COL5A1: variants seen among roughly 807,000 people sequenced by gnomAD.
COL5A1 encodes collagen type V alpha 1 chain, also known as collagen alpha-1(V) chain.
COL5A1 carries 16 observed loss-of-function variants against 263.7 expected under a neutral mutation model. The ratio of observed to expected loss-of-function variants is 0.06; its 90% confidence interval spans 0.04 to 0.09. The LOEUF is 0.09. COL5A1 is among the 10% of genes least tolerant of loss of function. The probability of loss-of-function intolerance (pLI) is 1.00; values close to 1 mark genes in which losing one functional copy is unlikely to be tolerated. For missense variants in COL5A1, 2,036 were observed against 2,540.5 expected, an observed-to-expected ratio of 0.80 and a Z score of 4.27; for synonymous variants, 1,012 against 1,004.5, an observed-to-expected ratio of 1.01 and a Z score of -0.14.
At chr9:134,778,221 G>A (rs35359214) in intron 27 of COL5A1, among the ~76,000 whole-genome samples, 127 of 152,298 alleles carry the variant, frequency 8.3e-4, no homozygotes, top group Admixed American at 8.5e-4. Flanking sequence ...TTGGAAGAAG[G>A]CATCTGCTAG....
chr9:134,656,066 C>T (rs935787669), intron 1 of COL5A1, among the ~76,000 whole-genome samples: 5 of 152,160 alleles, frequency 3.3e-5, no homozygotes, highest in African/African-American at 9.7e-5. Flanking sequence ...GGCTCACCAC[C>T]GGATGCCAGA....
intron 4 of COL5A1, among the ~76,000 whole-genome samples, chr9:134,707,685 C>A (rs1323684626): frequency 1.3e-5 from 2 of 152,262 alleles, no homozygotes; most frequent in African/African-American, 4.8e-5. Context: ...ACTTCCCAGG[C>A]TGGGGCCTTT....
rs539205059 is a variant in COL5A1, at chr9:134,730,162, T to C, written c.925-74T>C. ...CCACTGAGATGCCTGCACCCGGACA[T>C]GCGGCAAGTCCCAGACCTGGCACCA... On this transcript the variant is annotated intron_variant, in intron 6 of 65. Transcript: ENST00000371817. The C allele has an allele frequency of 2.8e-4, 447 of 1,593,362 alleles. No homozygotes were observed. In the African/African-American group the frequency reaches 5.1e-3, roughly 18 times the overall value.
In COL5A1 at chr9:134,812,719, C is replaced by T. The variant is rs1340971433; in HGVS notation, c.3852+7C>T. The T allele has an allele frequency of 2.0e-6, 3 of 1,538,368 alleles. No individual in the cohort carries two copies. Among genetic ancestry groups the T allele is most frequent in the South Asian group, 1.2e-5 (1 of 84,582 alleles). On this transcript the variant is annotated splice_region_variant and intron_variant, in intron 48 of 65. Transcript: ENST00000371817. Reference sequence around the variant, plus strand: ...TGGTGCAGTGGGAGAGAAGGTGAGGCTCGTGCCTGCTCTGGTGGCAGATTT... The same window carrying T: ...TGGTGCAGTGGGAGAGAAGGTGAGGTTCGTGCCTGCTCTGGTGGCAGATTT...
intron 42 of COL5A1, 51 bp from the exon 43 acceptor site, chr9:134,809,132 A>T: frequency 1.4e-6 from 2 of 1,432,862 alleles, no homozygotes; most frequent in Non-Finnish European, 1.9e-6. Flanking sequence ...TGGTGGGGGG[A>T]TGTTCCCAGG....
At chr9:134,733,597 C>T (rs1446214648) in intron 9 of COL5A1, among the ~76,000 whole-genome samples, 1 of 152,200 alleles carries the variant, frequency 6.6e-6, no homozygotes, top group Non-Finnish European at 1.5e-5. Flanking sequence ...GACTCTGAGG[C>T]CAGGATCCCC....
intron 42 of COL5A1, among the ~76,000 whole-genome samples, chr9:134,807,454 C>T (rs371935655): frequency 2.0e-4 from 30 of 152,266 alleles, no homozygotes; most frequent in East Asian, 1.9e-3. Flanking sequence ...CTACCACACC[C>T]GGCTACTTTT....
intron 1 of COL5A1, among the ~76,000 whole-genome samples, chr9:134,656,736 A>T (rs2132487416): frequency 6.6e-6 from 1 of 151,622 alleles, no homozygotes; most frequent in African/African-American, 2.4e-5. Flanking sequence ...GTTAATACGG[A>T]GGTTGGGAGG....
chr9:134,769,725 G>A (rs1034728424), intron 25 of COL5A1, among the ~76,000 whole-genome samples: 10 of 151,618 alleles, frequency 6.6e-5, no homozygotes, highest in African/African-American at 2.2e-4. Flanking sequence ...CAGGCCACAC[G>A]AGGAAGGGGG....
intron 1 of COL5A1, among the ~76,000 whole-genome samples, chr9:134,648,592 T>C (rs1831553609): frequency 6.6e-6 from 1 of 152,240 alleles, no homozygotes. Context: ...GTTTTAGTGA[T>C]GTCTAATGTA....
At chr9:134,695,318 A>T (rs1833420678) in intron 2 of COL5A1, among the ~76,000 whole-genome samples, 1 of 152,128 alleles carries the variant, frequency 6.6e-6, no homozygotes, top group Non-Finnish European at 1.5e-5. Context: ...CCTGGGCTCC[A>T]GAATCAGCCT....
At chr9:134,694,839 C>T (rs1833404149) in intron 2 of COL5A1, among the ~76,000 whole-genome samples, 2 of 152,312 alleles carry the variant, frequency 1.3e-5, no homozygotes, top group Admixed American at 6.5e-5. Flanking sequence ...CAGACATCGC[C>T]TCACGGTGAG....
chr9:134,798,724 G>T (rs1208091847), intron 37 of COL5A1, among the ~76,000 whole-genome samples: 2 of 152,248 alleles, frequency 1.3e-5, no homozygotes, highest in African/African-American at 4.8e-5. Context: ...CTTTGGGCTG[G>T]TTTTGGAAAC....
intron 1 of COL5A1, among the ~76,000 whole-genome samples, chr9:134,646,026 C>T (rs929748832): frequency 6.6e-6 from 1 of 151,838 alleles, no homozygotes; most frequent in Non-Finnish European, 1.5e-5. Context: ...TTTGTCCCTC[C>T]ATCCCTTCTC....
chr9:134,664,524 C>T lies in COL5A1; in HGVS notation c.109+22228C>T, dbSNP rs531640762. Among the ~76,000 whole-genome samples the T allele has an allele frequency of 1.4e-3, 206 of 152,250 alleles. 1 individual carries two copies. Among genetic ancestry groups the T allele is most frequent in the South Asian group, 6.6e-3 (32 of 4,816 alleles). On this transcript the variant is annotated intron_variant, in intron 1 of 65. Transcript: ENST00000371817. Reference sequence around the variant, plus strand: ...TCCAGCAAACAAACACCAAGATGGCCGACACACATGGCAAGTTCTCAGGAA... The same window carrying T: ...TCCAGCAAACAAACACCAAGATGGCTGACACACATGGCAAGTTCTCAGGAA...
intron 54 of COL5A1, 73 bp downstream of exon 54, chr9:134,817,904 A>G: frequency 6.9e-7 from 1 of 1,443,142 alleles, no homozygotes; most frequent in Non-Finnish European, 9.6e-7. Context: ...GGGAGTGGAC[A>G]AGCGTGTGGG....
chr9:134,668,582 CTA>C (rs1366458206), intron 1 of COL5A1, among the ~76,000 whole-genome samples: 17 of 148,288 alleles, frequency 1.1e-4, no homozygotes, highest in African/African-American at 3.8e-4. Flanking sequence ...ATCCATCTAT[CTA>C]CTTGTCCATC....
At chr9:134,732,013 A>T in intron 8 of COL5A1, 58 bp from the exon 9 acceptor site, 2 of 1,590,164 alleles carry the variant, frequency 1.3e-6, no homozygotes, top group Non-Finnish European at 1.7e-6. Context: ...TGTAATCTGG[A>T]CTTTCTTTCT....
intron 58 of COL5A1, 42 bp downstream of exon 58, chr9:134,820,265 C>G: frequency 6.6e-7 from 1 of 1,510,464 alleles, no homozygotes; most frequent in Non-Finnish European, 9.2e-7. Context: ...TGTCGAGAGG[C>G]ATTTTAGATC....
Sources: gnomAD v4.1 joint callset for allele counts (sites outside exome capture counted in the v4.1 genomes callset) on GRCh38, gnomAD v4.1.1 for gene constraint, MANE v1.5 for transcripts, NCBI Gene and HGNC (gene_info 2026-07-23, HGNC 2026-07-21) for gene names.